The following FAM204A variants were observed in gnomAD, a reference collection of about 807,000 sequenced individuals.
FAM204A encodes the protein protein FAM204A.
A neutral mutation model predicts 35.4 loss-of-function variants in FAM204A; 16 were observed. The observed-to-expected ratio is 0.45, with a 90% CI of 0.31 to 0.69. The LOEUF is 0.69. FAM204A is among the 30% of genes least tolerant of loss of function. The pLI is 0.07. For missense variants in FAM204A, 240 were observed against 265.7 expected, an observed-to-expected ratio of 0.90 and a Z score of 0.67; for synonymous variants, 76 against 86.9, an observed-to-expected ratio of 0.88 and a Z score of 0.70.
intron 2 of FAM204A, among the ~76,000 whole-genome samples, chr10:118,339,486 A>G (rs1589732592): frequency 6.6e-6 from 1 of 152,178 alleles, no homozygotes; most frequent in African/African-American, 2.4e-5. Context: ...TTTAAGGCAG[A>G]TAATCCCAAG....
chr10:118,339,203 A>C (rs1335561089), intron 2 of FAM204A, among the ~76,000 whole-genome samples: 1 of 152,178 alleles, frequency 6.6e-6, no homozygotes, highest in East Asian at 1.9e-4. Context: ...AACACGGATA[A>C]CTGCTGCCAC....
chr10:118,335,593 A>G lies in FAM204A; in HGVS notation c.283T>C (p.Ser95Pro). 1.9e-6 allele frequency: 3 copies of G among 1,611,290 alleles called. No individual in the cohort carries two copies. The highest frequency in any genetic ancestry group is 2.2e-5 in the East Asian group (1 of 44,760). Residue 95 changes from serine to proline, a missense_variant, in exon 4 of 9, where the codon TCA becomes CCA. Coordinates refer to ENST00000369183, the MANE Select transcript of FAM204A (RefSeq NM_022063.3). ...TTTCTTCTTTTCCCTCTGAATCTTGAGGTTGTGCTTTTCTGTTCAGAATGT... is the reference window on the plus strand; with the variant it reads ...TTTCTTCTTTTCCCTCTGAATCTTGGGGTTGTGCTTTTCTGTTCAGAATGT... ...KKHSEQKSTT[S>P]RFRGKRRKRS...
chr10:118,311,990 C>T (rs374640319), intron 7 of FAM204A, among the ~76,000 whole-genome samples: 3 of 152,118 alleles, frequency 2.0e-5, no homozygotes, highest in African/African-American at 7.2e-5. Flanking sequence ...ACCGTGAAAT[C>T]CCCCCATCCC....
chr10:118,313,310 G>C (rs1845981769), intron 7 of FAM204A, among the ~76,000 whole-genome samples: 1 of 152,090 alleles, frequency 6.6e-6, no homozygotes, highest in African/African-American at 2.4e-5. Context: ...TGTGATGCCG[G>C]CATCTCAACA....
At chr10:118,311,355 T>C in intron 7 of FAM204A, 42 bp from the exon 8 acceptor site, 1 of 1,453,678 alleles carries the variant, frequency 6.9e-7, no homozygotes, top group Non-Finnish European at 9.5e-7. Context: ...AAATAAATAT[T>C]CCAGCTAATA....
At chr10:118,340,478 A>AT (rs1846459877) in intron 2 of FAM204A, among the ~76,000 whole-genome samples, 1 of 152,120 alleles carries the variant, frequency 6.6e-6, no homozygotes, top group South Asian at 2.1e-4. Flanking sequence ...TATGATTTTG[A>AT]TATTATAAGT....
rs1405929093 is a variant in FAM204A at position 118,309,606 on chromosome 10, G to T, written c.*1251C>A. The T allele has an allele frequency of 3.3e-5, 5 of 152,140 alleles. No homozygotes were observed. In the South Asian group the frequency reaches 8.3e-4, roughly 25 times the overall value. 9.4% of individuals were successfully genotyped at this position (152,140 alleles called of 1,614,324 possible). On this transcript the variant is annotated 3_prime_UTR_variant, in exon 9 of 9. Coordinates refer to ENST00000369183, the MANE Select transcript of FAM204A (RefSeq NM_022063.3). ...TCACCTGCTTGTTTTATGATTTTCT[G>T]GAGCCCCTTTCCTGTCAGAACCAGG...
chr10:118,316,548 CAT>C (rs1476552778), intron 7 of FAM204A, among the ~76,000 whole-genome samples: 1 of 152,122 alleles, frequency 6.6e-6, no homozygotes, highest in Non-Finnish European at 1.5e-5. Flanking sequence ...CACAGGTTTG[CAT>C]ATGTTTGCAC....
rs1845930888 is a variant in FAM204A, at chr10:118,310,360, C to T, written c.*497G>A. ...ATTAGCCGGGTGTGGTGGCATTTGT[C>T]CATAATCCCAGCTACTCAGGAGGCT... is the stretch of plus-strand genomic sequence containing the variant. On this transcript the variant is annotated 3_prime_UTR_variant, in exon 9 of 9. Transcript: ENST00000369183. 1 of 152,372 alleles carries T rather than the reference C, an allele frequency of 6.6e-6. No homozygotes were observed. The highest frequency in any genetic ancestry group is 6.6e-5 in the Admixed American group (1 of 15,230). The allele number at this position is 152,372 out of a possible 1,614,324, so 9.4% of individuals were successfully genotyped here.
Position 118,336,078 on chromosome 10 carries a change from C to T in FAM204A, c.234+104G>A, listed in dbSNP as rs548601329. The T allele has an allele frequency of 5.1e-5, 68 of 1,332,254 alleles. No homozygotes were observed. The South Asian group carries it at 9.9e-4, about 19-fold the overall frequency. 82.5% of individuals were successfully genotyped at this position (1,332,254 alleles called of 1,614,324 possible). On this transcript the variant is annotated intron_variant, in intron 3 of 8. Transcript: ENST00000369183. ...AAGCATTCTGAGTCCATCTCCCTCCCTGTTAAGTCCCAAGAATACATGCAC... is the reference window on the plus strand; with the variant it reads ...AAGCATTCTGAGTCCATCTCCCTCCTTGTTAAGTCCCAAGAATACATGCAC...
intron 6 of FAM204A, among the ~76,000 whole-genome samples, chr10:118,333,481 G>A (rs73426861): frequency 0.016 from 2,486 of 152,272 alleles, 59 homozygotes; most frequent in African/African-American, 0.056. Flanking sequence ...TATTTACTCT[G>A]TTGGATTTGC....
At position 118,306,725 on chromosome 10, in the gene FAM204A, C is replaced by T. The variant is rs1488374613; in HGVS notation, c.*4132G>A. 6.6e-6 allele frequency: 1 copy of T among 152,204 alleles called. No homozygotes were observed. Among genetic ancestry groups the T allele is most frequent in the African/African-American group, 2.4e-5 (1 of 41,448 alleles). 9.4% of individuals were successfully genotyped at this position (152,204 alleles called of 1,614,324 possible). On this transcript the variant is annotated 3_prime_UTR_variant, in exon 9 of 9. Transcript: ENST00000369183. ...TAGGAGATAATAAAGAGACAACACA[C>T]CTCATTTTAACAGTAGCACAAAATG...
Position 118,303,594 on chromosome 10 carries a change from A to G in FAM204A, c.*7263T>C, listed in dbSNP as rs1308335627. ...TTTGGGAGGCTGAGGTGGGCGGATC[A>G]CAAGGTCAAGAGATTGAGACCACCT... On this transcript the variant is annotated 3_prime_UTR_variant, in exon 9 of 9. Transcript: ENST00000369183. 1 of 152,264 alleles carries G rather than the reference A, an allele frequency of 6.6e-6. No homozygotes were observed. The highest frequency in any genetic ancestry group is 1.5e-5 in the Non-Finnish European group (1 of 68,152). The allele number at this position is 152,264 out of a possible 1,614,324, so 9.4% of individuals were successfully genotyped here. A position where few individuals can be genotyped will look rare whatever the true frequency, so the allele number is the denominator to read the frequency against.
intron 2 of FAM204A, among the ~76,000 whole-genome samples, chr10:118,338,717 G>A (rs1406657908): frequency 1.3e-5 from 2 of 152,182 alleles, no homozygotes; most frequent in Non-Finnish European, 2.9e-5. Flanking sequence ...CTCATGAAAC[G>A]TGTATGCCTC....
chr10:118,336,668 T>G (rs2133293644), intron 2 of FAM204A, among the ~76,000 whole-genome samples: 1 of 152,214 alleles, frequency 6.6e-6, no homozygotes. Context: ...TGTTACAACA[T>G]ACACCTACAG....
chr10:118,326,309 T>C lies in FAM204A; in HGVS notation c.454-66A>G, dbSNP rs1040945762. 2.3e-6 allele frequency: 3 copies of C among 1,327,242 alleles called. No homozygotes were observed. In the Admixed American group the frequency reaches 5.3e-5, roughly 24 times the overall value. 82.2% of individuals were successfully genotyped at this position (1,327,242 alleles called of 1,614,324 possible). ...AGCAAACATTTGCTAGCCAAGACCATGTCACAGAATTATACTGAATGTGTT... is the reference window on the plus strand; with the variant it reads ...AGCAAACATTTGCTAGCCAAGACCACGTCACAGAATTATACTGAATGTGTT... On this transcript the variant is annotated intron_variant, in intron 6 of 8. Coordinates refer to ENST00000369183, the MANE Select transcript of FAM204A (RefSeq NM_022063.3).
chr10:118,307,162 C>T lies in FAM204A; in HGVS notation c.*3695G>A, dbSNP rs1466023660. 2.0e-5 allele frequency: 3 copies of T among 152,210 alleles called. No individual in the cohort carries two copies. Among genetic ancestry groups the T allele is most frequent in the African/African-American group, 7.2e-5 (3 of 41,458 alleles). The allele number at this position is 152,210 out of a possible 1,614,324, so 9.4% of individuals were successfully genotyped here. A position where few individuals can be genotyped will look rare whatever the true frequency, so the allele number is the denominator to read the frequency against. On this transcript the variant is annotated 3_prime_UTR_variant, in exon 9 of 9. Coordinates refer to ENST00000369183, the MANE Select transcript of FAM204A (RefSeq NM_022063.3). ...CATAATAAAAATCACTTGAGATGCA[C>T]TGCCGTGGGTTTACACAGCCTTCAA...
At chr10:118,321,138 A>G (rs1356400985) in intron 7 of FAM204A, among the ~76,000 whole-genome samples, 1 of 152,004 alleles carries the variant, frequency 6.6e-6, no homozygotes, top group Non-Finnish European at 1.5e-5. Flanking sequence ...GAAAAAAGAA[A>G]ACGGTACTGA....
chr10:118,328,982 C>T (rs536872352), intron 6 of FAM204A, among the ~76,000 whole-genome samples: 2 of 152,190 alleles, frequency 1.3e-5, no homozygotes, highest in South Asian at 2.1e-4. Context: ...CTGACTTCTC[C>T]CCTGTACCAA....
Sources: gnomAD v4.1 joint callset for allele counts (sites outside exome capture counted in the v4.1 genomes callset) on GRCh38, gnomAD v4.1.1 for gene constraint, MANE v1.5 for transcripts, NCBI Gene and HGNC (gene_info 2026-07-23, HGNC 2026-07-21) for gene names.